BCLAF1: variants seen among roughly 807,000 people sequenced by gnomAD.
BCLAF1 encodes bcl-2-associated transcription factor 1.
A neutral mutation model predicts 99.5 loss-of-function variants in BCLAF1; 10 were observed. That is an observed-to-expected ratio of 0.10 (90% CI 0.06 to 0.17). The LOEUF (loss-of-function observed/expected upper bound fraction) is 0.17, where lower values mean the gene tolerates loss of function less well. Among genes scored for constraint, BCLAF1 ranks in the 10% least tolerant of loss-of-function variants. The pLI is 1.00. For synonymous variants in BCLAF1, 255 were observed against 370.9 expected (o/e 0.69, Z 3.59); for missense variants, 636 against 1,105.8 (o/e 0.58, Z 6.02).
At chr6:136,279,651 G>A (rs1784091164) in intron 3 of BCLAF1, 112 bp downstream of exon 3, 1 of 1,114,092 alleles carries the variant, frequency 9.0e-7, no homozygotes, top group Non-Finnish European at 1.1e-6. Flanking sequence ...CCATTTCACA[G>A]GGTTCTTTGA....
intron 1 of BCLAF1, among the ~76,000 whole-genome samples, chr6:136,285,590 T>A (rs1301442382): frequency 6.6e-6 from 1 of 152,230 alleles, no homozygotes; most frequent in Non-Finnish European, 1.5e-5. Context: ...ACCAAGATCA[T>A]TTGTTAATAG....
chr6:136,269,102 A>G (rs1358344014), intron 9 of BCLAF1: 17 of 1,153,866 alleles, frequency 1.5e-5, no homozygotes, highest in Non-Finnish European at 1.7e-5. Flanking sequence ...TATGAGTTGA[A>G]AAAGTGCGGA....
chr6:136,269,197 A>G, intron 9 of BCLAF1: 3 of 1,392,118 alleles, frequency 2.2e-6, no homozygotes, highest in Non-Finnish European at 2.8e-6. Flanking sequence ...TGTAGCCTGG[A>G]TAATAGGACA....
intron 6 of BCLAF1, chr6:136,274,219 G>C (rs1020524012): frequency 4.9e-6 from 6 of 1,226,764 alleles, no homozygotes; most frequent in Non-Finnish European, 6.4e-6. Flanking sequence ...AAACATCACT[G>C]GGCATTTTCA....
intron 4 of BCLAF1, among the ~76,000 whole-genome samples, chr6:136,277,276 T>C (rs1390186851): frequency 1.3e-5 from 2 of 152,226 alleles, no homozygotes; most frequent in Non-Finnish European, 2.9e-5. Context: ...CATTAAATAT[T>C]GACAGCCAGA....
chr6:136,286,614 G>A (rs1014186479), intron 1 of BCLAF1, among the ~76,000 whole-genome samples: 1 of 152,184 alleles, frequency 6.6e-6, no homozygotes, highest in African/African-American at 2.4e-5. Context: ...TGCATGTAAG[G>A]TTACCTAATA....
At chr6:136,289,452 G>A (rs1475410411) in intron 1 of BCLAF1, among the ~76,000 whole-genome samples, 1 of 152,202 alleles carries the variant, frequency 6.6e-6, no homozygotes, top group Non-Finnish European at 1.5e-5. Flanking sequence ...GAGGCCGCGC[G>A]GGCTGTGGGT....
Position 136,259,562 on chromosome 6 carries a change from A to G in BCLAF1, c.*1548T>C, listed in dbSNP as rs1315590392. On this transcript the variant is annotated 3_prime_UTR_variant, in exon 13 of 13. Transcript: ENST00000531224. ...CTTTAATAGACAATTTTAGAAAGACATGTTAACGGGGGAAAATCACACAAT... is the reference window on the plus strand; with the variant it reads ...CTTTAATAGACAATTTTAGAAAGACGTGTTAACGGGGGAAAATCACACAAT... 6.6e-6 allele frequency: 1 copy of G among 151,824 alleles called. No individual in the cohort carries two copies. Among genetic ancestry groups the G allele is most frequent in the Non-Finnish European group, 1.5e-5 (1 of 67,912 alleles). The allele number at this position is 151,824 out of a possible 1,614,324, so 9.4% of individuals were successfully genotyped here. A position where few individuals can be genotyped will look rare whatever the true frequency, so the allele number is the denominator to read the frequency against.
intron 7 of BCLAF1, among the ~76,000 whole-genome samples, chr6:136,272,753 A>AACATTTATTTC (rs370223769): frequency 1.3e-5 from 2 of 151,852 alleles, no homozygotes; most frequent in South Asian, 4.1e-4. Flanking sequence ...TCTCTCACCA[A>AACATTTATTTC]ACATTTATTT....
rs142771440 is a variant in BCLAF1 at position 136,283,091 on chromosome 6, A to G, written c.-114-404T>C. 4.6e-3 allele frequency among the ~76,000 whole-genome samples: 664 copies of G among 143,736 alleles called. 2 individuals are homozygous for G. Among genetic ancestry groups the G allele is most frequent in the African/African-American group, 0.015 (577 of 38,860 alleles). 94.3% of individuals were successfully genotyped at this position (143,736 alleles called of 152,430 possible). ...TGCAGAAGGATCACTTGAGCCCAGG[A>G]GTTTGACACTGCAATGCACTGTGAT... On this transcript the variant is annotated intron_variant, in intron 1 of 12. Coordinates refer to ENST00000531224, the MANE Select transcript of BCLAF1 (RefSeq NM_014739.3).
chr6:136,286,734 G>A (rs1317283963), intron 1 of BCLAF1, among the ~76,000 whole-genome samples: 3 of 152,186 alleles, frequency 2.0e-5, no homozygotes, highest in South Asian at 4.1e-4. Context: ...TTGGGAGGGC[G>A]AGGCGGGCGG....
Position 136,278,705 on chromosome 6 carries a change from C to T in BCLAF1, c.176G>A (p.Arg59His), listed in dbSNP as rs746616333. 1.2e-6 allele frequency: 2 copies of T among 1,612,394 alleles called. No individual in the cohort carries two copies. The highest frequency in any genetic ancestry group is 1.7e-5 in the Admixed American group (1 of 59,630). Residue 59 changes from arginine to histidine, a missense_variant, in exon 4 of 13, where the codon CGC becomes CAC. Around this residue, in one of 9 missense-constraint regions of BCLAF1, gnomAD observed 81 missense variants for 132.5 expected, o/e 0.61. Coordinates refer to ENST00000531224, the MANE Select transcript of BCLAF1 (RefSeq NM_014739.3). ...CATTCCTCTATTATTTCTGTAATCG[C>T]GACGATAATCTCTAGAATACATACG... ...RDRMYSRDYR[R>H]DYRNNRGMRR... is the part of the protein sequence containing the mutation.
At chr6:136,268,839 A>C (rs1431609215) in intron 9 of BCLAF1, among the ~76,000 whole-genome samples, 1 of 151,920 alleles carries the variant, frequency 6.6e-6, no homozygotes, top group African/African-American at 2.4e-5. Context: ...CATTTACCTA[A>C]TGAATAGCAA....
At chr6:136,284,496 G>A (rs948283743) in intron 1 of BCLAF1, among the ~76,000 whole-genome samples, 26 of 152,008 alleles carry the variant, frequency 1.7e-4, no homozygotes, top group Non-Finnish European at 2.9e-5. Context: ...AAACCAAATC[G>A]AGAACAGTTA....
At chr6:136,278,994 A>AACACACACACACACACACACAC (rs71006795) in intron 3 of BCLAF1, among the ~76,000 whole-genome samples, 4 of 145,406 alleles carry the variant, frequency 2.8e-5, no homozygotes, top group African/African-American at 5.1e-5. Context: ...GAAGGCACAA[A>AACACACACACACACACACACAC]ACACACACAC....
rs755957082 is a variant in BCLAF1 at position 136,260,411 on chromosome 6, G to A, written c.*699C>T. ...AGAAAGAGAACACACAGTTTTGAAC[G>A]CAAATAGAAAAGGCTCCTAAGAATG... On this transcript the variant is annotated 3_prime_UTR_variant, in exon 13 of 13. Coordinates refer to ENST00000531224, the MANE Select transcript of BCLAF1 (RefSeq NM_014739.3). 3 of 152,004 alleles carry A rather than the reference G, an allele frequency of 2.0e-5. No homozygotes were observed. Among genetic ancestry groups the A allele is most frequent in the East Asian group, 1.9e-4 (1 of 5,196 alleles). The allele number at this position is 152,004 out of a possible 1,614,324, so 9.4% of individuals were successfully genotyped here.
In BCLAF1 at chr6:136,261,407, C is replaced by T. The variant is rs773135981; in HGVS notation, c.2615G>A (p.Gly872Asp). 3 of 1,613,712 alleles carry T rather than the reference C, an allele frequency of 1.9e-6. No homozygotes were observed. The African/African-American group carries it at 4.0e-5, about 22-fold the overall frequency. ...RGRGRGTFQRGRGRFNFKKSG... is the reference protein window; with the variant it reads ...RGRGRGTFQRDRGRFNFKKSG... ...TTTTTTGAAGTTAAAGCGCCCTCTG[C>T]CACGTTGAAAAGTACCACGACCTCT... The change falls in exon 12 of 13, where the codon GGC becomes GAC. Residue 872 changes from glycine (G) to aspartate (D), a missense_variant. Coordinates refer to ENST00000531224, the MANE Select transcript of BCLAF1 (RefSeq NM_014739.3).
chr6:136,269,252 A>T, intron 9 of BCLAF1, 185 bp downstream of exon 9: 2 of 1,504,764 alleles, frequency 1.3e-6, no homozygotes, highest in South Asian at 2.5e-5. Context: ...TGCTATTCCA[A>T]AGTTTTTGTC....
At chr6:136,272,544 T>C (rs1782679801) in intron 7 of BCLAF1, among the ~76,000 whole-genome samples, 1 of 151,972 alleles carries the variant, frequency 6.6e-6, no homozygotes, top group South Asian at 2.1e-4. Flanking sequence ...ACACCAACTG[T>C]GTACAAAGTA....
Sources: gnomAD v4.1 joint callset for allele counts (sites outside exome capture counted in the v4.1 genomes callset) on GRCh38, gnomAD v4.1.1 for gene constraint, gnomAD v4.1.1 regional missense constraint, MANE v1.5 for transcripts, NCBI Gene and HGNC (gene_info 2026-07-23, HGNC 2026-07-21) for gene names.